The following PRRC2B variants were observed in gnomAD, a reference collection of about 807,000 sequenced individuals.
The protein encoded by PRRC2B is protein PRRC2B.
In PRRC2B, 68 loss-of-function variants were observed where a neutral mutation model predicts 242.3. That is an observed-to-expected ratio of 0.28 (90% CI 0.23 to 0.34). The LOEUF (loss-of-function observed/expected upper bound fraction) is 0.34. PRRC2B is among the 10% of genes least tolerant of loss of function. PRRC2B has a pLI of 1.00. For synonymous variants in PRRC2B, 1,228 were observed against 1,173.6 expected (o/e 1.05, Z -0.95); for missense variants, 2,835 against 2,954.8 (o/e 0.96, Z 0.94).
At chr9:131,488,927 C>T (rs114159579) in intron 28 of PRRC2B, among the ~76,000 whole-genome samples, 2,493 of 152,298 alleles carry the variant, frequency 0.016, 75 homozygotes, top group African/African-American at 0.057. Context: ...CTCCACTCTC[C>T]TGTTCCAGTT....
At chr9:131,489,341 C>T (rs984024345) in intron 28 of PRRC2B, among the ~76,000 whole-genome samples, 2 of 151,938 alleles carry the variant, frequency 1.3e-5, no homozygotes, top group African/African-American at 4.8e-5. Flanking sequence ...CGCCCACCAC[C>T]CACCGGCTAA....
At chr9:131,495,572 T>C (rs1195647437) in intron 31 of PRRC2B, among the ~76,000 whole-genome samples, 168 bp from the exon 32 acceptor site, 1 of 152,158 alleles carries the variant, frequency 6.6e-6, no homozygotes, top group Non-Finnish European at 1.5e-5. Flanking sequence ...TCGCGCCACT[T>C]TCCTTACTAG....
intron 1 of PRRC2B, among the ~76,000 whole-genome samples, chr9:131,387,995 A>G (rs1836846362): frequency 6.6e-6 from 1 of 150,378 alleles, no homozygotes; most frequent in African/African-American, 2.4e-5. Flanking sequence ...GTTCAAGACC[A>G]GCTTGGCCAA....
chr9:131,452,517 AAT>A, intron 9 of PRRC2B, among the ~76,000 whole-genome samples: 1 of 152,322 alleles, frequency 6.6e-6, no homozygotes, highest in East Asian at 1.9e-4. Flanking sequence ...AGTTGTTGAA[AAT>A]ATATTACATT....
At chr9:131,478,789 G>A (rs190423756) in intron 18 of PRRC2B, among the ~76,000 whole-genome samples, 170 bp downstream of exon 18, 4 of 152,258 alleles carry the variant, frequency 2.6e-5, no homozygotes, top group African/African-American at 9.6e-5. Flanking sequence ...TATTACCAAG[G>A]CCCTTCTATC....
At chr9:131,478,643 C>T (rs891767366) in intron 18 of PRRC2B, 24 bp downstream of exon 18, 9 of 980,830 alleles carry the variant, frequency 9.2e-6, no homozygotes, top group Middle Eastern at 3.6e-4. Flanking sequence ...GGTGGGGGGG[C>T]ATGGGGCTGG....
chr9:131,378,085 T>C (rs1482684905), intron 1 of PRRC2B, among the ~76,000 whole-genome samples: 1 of 151,738 alleles, frequency 6.6e-6, no homozygotes, highest in East Asian at 1.9e-4. Context: ...CTGAGGCAGG[T>C]GGATCATGAG....
intron 1 of PRRC2B, among the ~76,000 whole-genome samples, chr9:131,413,594 C>G (rs183031618): frequency 1.3e-4 from 20 of 152,328 alleles, no homozygotes; most frequent in Non-Finnish European, 2.8e-4. Context: ...TCTCAAACTC[C>G]TGGCTTCAGA....
chr9:131,443,503 G>A (rs550363310), intron 5 of PRRC2B, among the ~76,000 whole-genome samples: 8 of 151,404 alleles, frequency 5.3e-5, no homozygotes, highest in African/African-American at 1.7e-4. Flanking sequence ...GCACGTTTTC[G>A]GCTCACTGCA....
In PRRC2B at chr9:131,474,434, T is replaced by TA. The variant is rs1261548854; in HGVS notation, c.2325-20_2325-19insA. 6.3e-7 allele frequency: 1 copy of TA among 1,587,890 alleles called. No individual in the cohort carries two copies. The highest frequency in any genetic ancestry group is 8.6e-7 in the Non-Finnish European group (1 of 1,165,066). On this transcript the variant is annotated intron_variant, in intron 15 of 31. Coordinates refer to ENST00000683519, the MANE Select transcript of PRRC2B (RefSeq NM_013318.4). Reference sequence around the variant, plus strand: ...ACCAGGCTCCAATCGCATTGACTGATTTTTCTGGTTCCTTTTCAGGAATGA... The same window carrying TA: ...ACCAGGCTCCAATCGCATTGACTGATATTTTCTGGTTCCTTTTCAGGAATGA...
In PRRC2B at chr9:131,487,705, C is replaced by T. The variant is rs1379171769; in HGVS notation, c.5985-151C>T. ...TCAGCGCCATCTAGGAGCTTGTTCT[C>T]AGGCCCCATCCTGGACCCTCTGAGT... On this transcript the variant is annotated intron_variant, in intron 27 of 31. Coordinates refer to ENST00000683519, the MANE Select transcript of PRRC2B (RefSeq NM_013318.4). The surrounding 1 kb of genome is among the most constrained non-coding windows in gnomAD (Gnocchi z 5.3). The T allele has an allele frequency of 9.8e-6, 10 of 1,017,964 alleles. No individual in the cohort carries two copies. Among genetic ancestry groups the T allele is most frequent in the Non-Finnish European group, 1.3e-5 (9 of 716,128 alleles). 63.1% of individuals were successfully genotyped at this position (1,017,964 alleles called of 1,614,324 possible). A position where few individuals can be genotyped will look rare whatever the true frequency, so the allele number is the denominator to read the frequency against.
intron 8 of PRRC2B, 144 bp downstream of exon 8, chr9:131,447,350 G>A: frequency 9.5e-7 from 1 of 1,054,904 alleles, no homozygotes; most frequent in Non-Finnish European, 1.3e-6. Context: ...GGTGTGTGGG[G>A]TGGTGGCTGG....
chr9:131,395,361 AG>A (rs1837020075), intron 1 of PRRC2B, among the ~76,000 whole-genome samples: 1 of 152,016 alleles, frequency 6.6e-6, no homozygotes, highest in South Asian at 2.1e-4. Context: ...GTGCGGTCTT[AG>A]CATGGTTTTT....
rs140991274 is a variant in PRRC2B, at chr9:131,405,084, T to C, written c.-52+10821T>C. ...CAGGCTTTTTGGATTGTTTTGGGTG[T>C]GCACATTTTCCAATCAAAAGCTACT... On this transcript the variant is annotated intron_variant, in intron 1 of 31. Transcript: ENST00000683519. 1.8e-3 allele frequency among the ~76,000 whole-genome samples: 275 copies of C among 152,304 alleles called. 2 individuals carry two copies. Among genetic ancestry groups the C allele is most frequent in the African/African-American group, 6.3e-3 (260 of 41,574 alleles).
In PRRC2B at chr9:131,494,467, A is replaced by C. The variant is rs1944276677; in HGVS notation, c.6536A>C (p.Gln2179Pro). Residue 2179 changes from glutamine (Q) to proline (P), a missense_variant, in exon 31 of 32, where the codon CAG (glutamine) becomes CCG (proline). Around this residue, in one of 7 missense-constraint regions of PRRC2B, gnomAD observed 574 missense variants for 626.0 expected, o/e 0.92. Coordinates refer to ENST00000683519, the MANE Select transcript of PRRC2B (RefSeq NM_013318.4). This position sits in a 1 kb window ranked among gnomAD's most constrained non-coding sequence, Gnocchi z 4.3. ...TCAGCAGTTAACATGGGCTCTGTGC[A>C]GGGACACTACGTGCAACAGGTAGAA... ...SGSAVNMGSV[Q>P]GHYVQQAKQR... 2 of 1,599,294 alleles carry C rather than the reference A, an allele frequency of 1.3e-6. No homozygotes were observed. The highest frequency in any genetic ancestry group is 1.7e-6 in the Non-Finnish European group (2 of 1,169,380).
At chr9:131,483,627 GA>G (rs1240970226) in intron 23 of PRRC2B, among the ~76,000 whole-genome samples, 182 bp downstream of exon 23, 1 of 152,200 alleles carries the variant, frequency 6.6e-6, no homozygotes, top group Non-Finnish European at 1.5e-5. Context: ...TTCCAGTGGG[GA>G]TCATACAGTT....
At chr9:131,380,546 T>C (rs998900535) in intron 1 of PRRC2B, among the ~76,000 whole-genome samples, 3 of 146,772 alleles carry the variant, frequency 2.0e-5, no homozygotes, top group African/African-American at 7.6e-5. Flanking sequence ...GCCATTGCAC[T>C]CCAGCCTGCA....
chr9:131,462,925 G>T (rs1422401446), intron 11 of PRRC2B, among the ~76,000 whole-genome samples: 1 of 150,350 alleles, frequency 6.7e-6, no homozygotes, highest in Non-Finnish European at 1.5e-5. Flanking sequence ...GGGCCTTTTA[G>T]GAAAGCACAT....
intron 3 of PRRC2B, 111 bp downstream of exon 3, chr9:131,432,905 T>TG: frequency 9.4e-7 from 1 of 1,061,492 alleles, no homozygotes; most frequent in Non-Finnish European, 1.4e-6. Context: ...GCGCTAGTCT[T>TG]GCAGTGGCAG....
Sources: gnomAD v4.1 joint callset for allele counts (sites outside exome capture counted in the v4.1 genomes callset) on GRCh38, gnomAD v4.1.1 for gene constraint, gnomAD v4.1.1 regional missense constraint, Gnocchi (gnomAD v3.1) non-coding constraint, MANE v1.5 for transcripts, NCBI Gene and HGNC (gene_info 2026-07-23, HGNC 2026-07-21) for gene names.